Variants in ABTB2 observed in about 807,000 individuals in gnomAD.
ABTB2 encodes ankyrin repeat and BTB domain containing 2, also known as ankyrin repeat and BTB/POZ domain-containing protein 2.
ABTB2 carries 56 observed loss-of-function variants against 104.1 expected under a neutral mutation model. The observed-to-expected ratio is 0.54, with a 90% CI of 0.43 to 0.67. ABTB2 has a LOEUF of 0.67. Ranked by LOEUF, ABTB2 falls within the 30% of genes least tolerant of loss-of-function variation. ABTB2 has a pLI of 0.00. For synonymous variants in ABTB2, 606 were observed against 608.2 expected, an observed-to-expected ratio of 1.00 and a Z score of 0.05; for missense variants, 1,279 against 1,407.7, an observed-to-expected ratio of 0.91 and a Z score of 1.46.
At chr11:34,158,347 A>T (rs1288979447) in intron 14 of ABTB2, among the ~76,000 whole-genome samples, 1 of 152,128 alleles carries the variant, frequency 6.6e-6, no homozygotes, top group Non-Finnish European at 1.5e-5. Context: ...CGGGAGGTGG[A>T]GCTTGCAGTG....
At chr11:34,328,441 A>G (rs1349322922) in intron 1 of ABTB2, among the ~76,000 whole-genome samples, 3 of 152,130 alleles carry the variant, frequency 2.0e-5, no homozygotes, top group African/African-American at 7.2e-5. Context: ...AACCTCCCCA[A>G]GCCTCTGCTG....
At chr11:34,267,018 G>A (rs1565154856) in intron 1 of ABTB2, among the ~76,000 whole-genome samples, 2 of 151,426 alleles carry the variant, frequency 1.3e-5, no homozygotes, top group Non-Finnish European at 2.9e-5. Flanking sequence ...GGTGGTAGGG[G>A]AGGGAGGGGC....
At chr11:34,176,979 G>A (rs1033485468) in intron 3 of ABTB2, among the ~76,000 whole-genome samples, 3 of 152,202 alleles carry the variant, frequency 2.0e-5, no homozygotes, top group African/African-American at 7.2e-5. Context: ...TTACAGGGCT[G>A]GAAGGCAAGC....
intron 1 of ABTB2, among the ~76,000 whole-genome samples, chr11:34,271,517 T>C (rs1484909397): frequency 1.3e-5 from 2 of 152,086 alleles, no homozygotes; most frequent in Non-Finnish European, 2.9e-5. Context: ...GATGGGAGGA[T>C]TGCTTGAGCT....
chr11:34,267,847 C>G (rs1262277317), intron 1 of ABTB2, among the ~76,000 whole-genome samples: 1 of 152,256 alleles, frequency 6.6e-6, no homozygotes. Flanking sequence ...TTCAGATACA[C>G]TGTAAATGCT....
At chr11:34,152,938 A>AGAT (rs1254120136) in intron 16 of ABTB2, among the ~76,000 whole-genome samples, 11 of 152,312 alleles carry the variant, frequency 7.2e-5, no homozygotes, top group African/African-American at 2.4e-4. Context: ...TGCTGGATAA[A>AGAT]GATGTTCACT....
intron 13 of ABTB2, 61 bp from the exon 14 acceptor site, chr11:34,159,447 G>A (rs1013797343): frequency 3.2e-5 from 35 of 1,103,600 alleles, no homozygotes; most frequent in African/African-American, 9.2e-5. Context: ...ACTGTGTGGC[G>A]ATGGCACCAT....
chr11:34,161,537 T>G (rs1021949659), intron 10 of ABTB2, among the ~76,000 whole-genome samples: 1 of 152,118 alleles, frequency 6.6e-6, no homozygotes, highest in African/African-American at 2.4e-5. Context: ...TGCCAGGCAC[T>G]CAAGGACACA....
chr11:34,299,317 T>C (rs1854668846), intron 1 of ABTB2, among the ~76,000 whole-genome samples: 2 of 152,154 alleles, frequency 1.3e-5, no homozygotes, highest in African/African-American at 4.8e-5. Flanking sequence ...TACACGATGG[T>C]CATGGACCAA....
At chr11:34,158,025 T>C (rs1852653521) in intron 14 of ABTB2, among the ~76,000 whole-genome samples, 1 of 152,192 alleles carries the variant, frequency 6.6e-6, no homozygotes, top group African/African-American at 2.4e-5. Flanking sequence ...CCTACCTCCC[T>C]GGAACTGTGC....
At chr11:34,281,182 A>G (rs941121859) in intron 1 of ABTB2, among the ~76,000 whole-genome samples, 1 of 152,150 alleles carries the variant, frequency 6.6e-6, no homozygotes, top group Admixed American at 6.5e-5. Flanking sequence ...ACCCCCATCC[A>G]GTGTACAGGT....
At chr11:34,341,425 GAA>G (rs1417920638) in intron 1 of ABTB2, among the ~76,000 whole-genome samples, 2 of 152,106 alleles carry the variant, frequency 1.3e-5, no homozygotes, top group Non-Finnish European at 2.9e-5. Context: ...TTAGACCTGT[GAA>G]AACCCAGAAA....
chr11:34,346,425 A>C (rs1456321643), intron 1 of ABTB2, among the ~76,000 whole-genome samples: 3 of 152,162 alleles, frequency 2.0e-5, no homozygotes, highest in African/African-American at 7.2e-5. Context: ...CTGAAGCATG[A>C]GGTCGGCCAA....
At chr11:34,177,712 C>T (rs1263634941) in intron 3 of ABTB2, among the ~76,000 whole-genome samples, 2 of 152,118 alleles carry the variant, frequency 1.3e-5, no homozygotes, top group African/African-American at 2.4e-5. Context: ...GCACCACAGA[C>T]ATGCACCACC....
Position 34,160,360 on chromosome 11 carries a change from G to T in ABTB2, c.2398-7C>A, listed in dbSNP as rs1293489498. ...GCTGGATGACGGAGTCGTTCTGTGG[G>T]GAGAGGAGAGAGGGCCTGTGAGCTG... On this transcript the variant is annotated splice_polypyrimidine_tract_variant and splice_region_variant and intron_variant, in intron 11 of 16. Coordinates refer to ENST00000435224, the MANE Select transcript of ABTB2 (RefSeq NM_145804.3). 1.9e-6 allele frequency: 3 copies of T among 1,610,052 alleles called. No individual in the cohort carries two copies. The highest frequency in any genetic ancestry group is 3.3e-5 in the Admixed American group (2 of 59,976).
chr11:34,235,169 T>A (rs1853825960), intron 1 of ABTB2, among the ~76,000 whole-genome samples: 1 of 152,126 alleles, frequency 6.6e-6, no homozygotes, highest in Non-Finnish European at 1.5e-5. Flanking sequence ...CCGAGATTAT[T>A]GTGTTTATTA....
At position 34,332,188 on chromosome 11, in the gene ABTB2, G is replaced by A. The variant is rs778606265; in HGVS notation, c.883+24513C>T. ...CCTCTATTCTGATGCAGCACTTAAC[G>A]TAAAGGAGGCATCTGTAAATGCATG... On this transcript the variant is annotated intron_variant, in intron 1 of 16. Transcript: ENST00000435224. Among the ~76,000 whole-genome samples, 7 of 152,268 alleles carry A rather than the reference G, an allele frequency of 4.6e-5. 1 individual carries two copies. In the South Asian group the frequency reaches 1.5e-3, roughly 32 times the overall value.
chr11:34,249,930 G>C (rs908508011), intron 1 of ABTB2, among the ~76,000 whole-genome samples: 4 of 152,240 alleles, frequency 2.6e-5, no homozygotes, highest in African/African-American at 9.6e-5. Context: ...CTGGTATAGA[G>C]TGGTCTACAT....
chr11:34,161,155 T>C (rs1852715896), intron 10 of ABTB2, 74 bp from the exon 11 acceptor site: 1 of 1,423,488 alleles, frequency 7.0e-7, no homozygotes, highest in Non-Finnish European at 9.4e-7. Context: ...CAGCCTTTTC[T>C]GGGCAGACTC....
Sources: allele counts gnomAD v4.1 joint callset (sites outside exome capture counted in the v4.1 genomes callset), GRCh38; gene constraint gnomAD v4.1.1; transcripts MANE v1.5; gene names NCBI Gene and HGNC (gene_info 2026-07-23, HGNC 2026-07-21).